Variants in TBXAS1 observed in about 807,000 individuals in gnomAD.
TBXAS1 encodes thromboxane A synthase 1, also known as thromboxane-A synthase.
TBXAS1 carries 48 observed loss-of-function variants against 60.7 expected under a neutral mutation model. The ratio of observed to expected loss-of-function variants is 0.79; its 90% CI spans 0.63 to 1.01. The LOEUF (loss-of-function observed/expected upper bound fraction) is 1.01, where lower values mean the gene tolerates loss of function less well. TBXAS1 is among the 50% of genes least tolerant of loss of function. The pLI is 0.00. For synonymous variants in TBXAS1, 287 were observed against 269.7 expected, an observed-to-expected ratio of 1.06 and a Z score of -0.63; for missense variants, 685 against 686.3, an observed-to-expected ratio of 1.00 and a Z score of 0.02.
In TBXAS1 at chr7:139,884,791, G is replaced by A. The variant is rs540473526; in HGVS notation, c.236+9154G>A. Reference sequence around the variant, plus strand: ...TGGTTCAGGAACCTGAGAAGCCCCCGGCCCTGAGAAAGGAGTCTAGGTAGT... The same window carrying A: ...TGGTTCAGGAACCTGAGAAGCCCCCAGCCCTGAGAAAGGAGTCTAGGTAGT... On this transcript the variant is annotated intron_variant, in intron 3 of 12. Coordinates refer to ENST00000448866, the MANE Select transcript of TBXAS1 (RefSeq NM_001061.7). Among the ~76,000 whole-genome samples the A allele has an allele frequency of 5.3e-5, 8 of 152,314 alleles. No individual in the cohort carries two copies. The South Asian group carries it at 8.3e-4, about 16-fold the overall frequency.
intron 4 of TBXAS1, among the ~76,000 whole-genome samples, chr7:139,809,672 G>A (rs946136608): frequency 5.9e-5 from 9 of 152,152 alleles, no homozygotes; most frequent in Admixed American, 5.2e-4. Flanking sequence ...GAGTCCAAAG[G>A]CCAGAGATCT....
chr7:140,018,642 G>A (rs998570756), intron 12 of TBXAS1, among the ~76,000 whole-genome samples: 3 of 152,040 alleles, frequency 2.0e-5, no homozygotes, highest in African/African-American at 7.3e-5. Flanking sequence ...CACACTCACA[G>A]CAACCCTGCA....
intron 4 of TBXAS1, among the ~76,000 whole-genome samples, chr7:139,929,370 C>G (rs536672319): frequency 2.6e-5 from 4 of 151,978 alleles, no homozygotes; most frequent in African/African-American, 9.7e-5. Flanking sequence ...AAACTAATTC[C>G]GATTGGCTAA....
At chr7:139,829,954 T>C (rs1399643389) in intron 1 of TBXAS1, among the ~76,000 whole-genome samples, 1 of 152,152 alleles carries the variant, frequency 6.6e-6, no homozygotes, top group Non-Finnish European at 1.5e-5. Flanking sequence ...GGGATTTCTG[T>C]AGGGTTAAGG....
chr7:139,957,025 A>G (rs1039639206), intron 7 of TBXAS1, among the ~76,000 whole-genome samples: 1 of 152,086 alleles, frequency 6.6e-6, no homozygotes, highest in African/African-American at 2.4e-5. Context: ...TCTCCAGGGG[A>G]GATGAGGGGT....
chr7:139,798,832 G>A (rs951322828), intron 4 of TBXAS1, among the ~76,000 whole-genome samples: 2 of 152,206 alleles, frequency 1.3e-5, no homozygotes, highest in African/African-American at 4.8e-5. Flanking sequence ...CTGATTCCGT[G>A]TGTGAAAGAT....
In TBXAS1 at chr7:139,984,646, GAA is replaced by G. The variant is rs1569522280; in HGVS notation, c.1134+22415_1134+22416del. On this transcript the variant is annotated intron_variant, in intron 9 of 12. Transcript: ENST00000448866. ...AGAGAGAGAGAGAGAGAGAGAGAAA[GAA>G]AGAAAGGGAAGGGGGAAAGAAAGAA... Among the ~76,000 whole-genome samples, 28 of 131,938 alleles carry G rather than the reference GAA, an allele frequency of 2.1e-4. 2 individuals are homozygous for G. In the East Asian group the frequency reaches 3.3e-3, roughly 15 times the overall value. 86.6% of individuals were successfully genotyped at this position (131,938 alleles called of 152,430 possible). A position where few individuals can be genotyped will look rare whatever the true frequency, so the allele number is the denominator to read the frequency against.
intron 2 of TBXAS1, among the ~76,000 whole-genome samples, chr7:139,781,395 G>C (rs1434312043): frequency 6.6e-6 from 1 of 152,182 alleles, no homozygotes; most frequent in Non-Finnish European, 1.5e-5. Context: ...GGGAGTACCA[G>C]TATTTGAGAC....
At chr7:139,960,680 A>T (rs1810258106) in intron 8 of TBXAS1, among the ~76,000 whole-genome samples, 2 of 149,798 alleles carry the variant, frequency 1.3e-5, no homozygotes, top group Non-Finnish European at 3.0e-5. Flanking sequence ...TGGGAGGTGG[A>T]GGTTGCAGTG....
intron 2 of TBXAS1, among the ~76,000 whole-genome samples, chr7:139,874,540 G>C (rs533483725): frequency 6.6e-6 from 1 of 152,088 alleles, no homozygotes; most frequent in Non-Finnish European, 1.5e-5. Context: ...GCAAGCTTAC[G>C]CTGCAGAATT....
At chr7:139,895,516 G>A (rs540052446) in intron 3 of TBXAS1, among the ~76,000 whole-genome samples, 45 of 152,244 alleles carry the variant, frequency 3.0e-4, no homozygotes, top group Non-Finnish European at 5.1e-4. Context: ...CCGGCCACTG[G>A]ATGTGGGCTT....
chr7:139,840,620 C>T (rs1281627195), intron 1 of TBXAS1, among the ~76,000 whole-genome samples: 1 of 152,120 alleles, frequency 6.6e-6, no homozygotes, highest in Non-Finnish European at 1.5e-5. Flanking sequence ...GGTAGCTGCA[C>T]AACCAGTGGA....
intron 5 of TBXAS1, among the ~76,000 whole-genome samples, chr7:139,942,355 G>T (rs143315237): frequency 6.6e-6 from 1 of 152,196 alleles, no homozygotes; most frequent in Non-Finnish European, 1.5e-5. Flanking sequence ...GGCTCAAATA[G>T]GTTTTCAAAA....
At chr7:139,820,370 C>G (rs896065916) in intron 4 of TBXAS1, among the ~76,000 whole-genome samples, 3 of 152,108 alleles carry the variant, frequency 2.0e-5, no homozygotes, top group Non-Finnish European at 4.4e-5. Context: ...ATAGGATGGG[C>G]CATGTGTGGT....
intron 9 of TBXAS1, among the ~76,000 whole-genome samples, chr7:140,001,563 C>G (rs1467757835): frequency 1.3e-5 from 2 of 152,106 alleles, no homozygotes; most frequent in Middle Eastern, 3.2e-3. Flanking sequence ...GGCTATTTTT[C>G]TATTTTGAGT....
At chr7:139,910,800 G>A (rs1023900970) in intron 3 of TBXAS1, among the ~76,000 whole-genome samples, 2 of 152,150 alleles carry the variant, frequency 1.3e-5, no homozygotes, top group African/African-American at 4.8e-5. Context: ...AAGGTTATTG[G>A]TCTTTTGCTA....
At position 139,962,518 on chromosome 7, in the gene TBXAS1, G is replaced by A. The variant is rs186404253; in HGVS notation, c.1134+285G>A. Reference sequence around the variant, plus strand: ...CGAGGAAGCTGTGGAAGCCCAGGAAGGTGTCAGGCCCAAAGGGCAGGGATG... The same window carrying A: ...CGAGGAAGCTGTGGAAGCCCAGGAAAGTGTCAGGCCCAAAGGGCAGGGATG... On this transcript the variant is annotated intron_variant, in intron 9 of 12. Transcript: ENST00000448866. 16 of 398,064 alleles carry A rather than the reference G, an allele frequency of 4.0e-5. No individual in the cohort carries two copies. In the East Asian group the frequency reaches 8.8e-4, roughly 22 times the overall value. 24.7% of individuals were successfully genotyped at this position (398,064 alleles called of 1,614,324 possible).
Position 140,013,998 on chromosome 7 carries a change from C to G in TBXAS1, c.1227-1725C>G, listed in dbSNP as rs368956466. The stretch of plus-strand genomic sequence containing the variant: ...CAGCTAACTGCGACTCTAGCCTCAG[C>G]TCTGGGGCCATACAGCCTCAAGCAC... On this transcript the variant is annotated intron_variant, in intron 10 of 12. Transcript: ENST00000448866. This position sits in a 1 kb window ranked among gnomAD's most constrained non-coding sequence, Gnocchi z 4.2. Among the ~76,000 whole-genome samples, 1 of 152,224 alleles carries G rather than the reference C, an allele frequency of 6.6e-6. No individual in the cohort carries two copies. Among genetic ancestry groups the G allele is most frequent in the African/African-American group, 2.4e-5 (1 of 41,454 alleles).
chr7:139,996,141 T>G (rs1813271494), intron 9 of TBXAS1, among the ~76,000 whole-genome samples: 1 of 151,948 alleles, frequency 6.6e-6, no homozygotes, highest in Non-Finnish European at 1.5e-5. Flanking sequence ...GCATTTTTTT[T>G]TTTTTTTTAG....
Sources: gnomAD v4.1 joint callset for allele counts (sites outside exome capture counted in the v4.1 genomes callset) on GRCh38, gnomAD v4.1.1 for gene constraint, Gnocchi (gnomAD v3.1) non-coding constraint, MANE v1.5 for transcripts, NCBI Gene and HGNC (gene_info 2026-07-23, HGNC 2026-07-21) for gene names.